The following ADCY5 variants were observed in gnomAD, a reference collection of about 807,000 sequenced individuals.
ADCY5 encodes the protein adenylate cyclase type 5.
Under a neutral mutation model 119.7 loss-of-function variants are expected in ADCY5, and 30 were observed. That is an observed-to-expected ratio of 0.25 (90% CI 0.19 to 0.34). ADCY5 has a LOEUF of 0.34. Among genes scored for constraint, ADCY5 ranks in the 10% least tolerant of loss-of-function variants. The pLI, the probability that ADCY5 is intolerant of heterozygous loss-of-function variation, is 1.00. For synonymous variants in ADCY5, 753 were observed against 762.2 expected (o/e 0.99, Z 0.20); for missense variants, 1,324 against 1,775.2 (o/e 0.75, Z 4.57).
chr3:123,389,321 T>C (rs1409089709), intron 1 of ADCY5, among the ~76,000 whole-genome samples: 1 of 152,014 alleles, frequency 6.6e-6, no homozygotes, highest in Non-Finnish European at 1.5e-5. Flanking sequence ...CCTCAGAAGA[T>C]CCTTGCCAAA....
At chr3:123,293,676 G>A (rs763425125) in intron 17 of ADCY5, among the ~76,000 whole-genome samples, 9 of 152,148 alleles carry the variant, frequency 5.9e-5, no homozygotes, top group Admixed American at 2.0e-4. Flanking sequence ...TTGCAAGCAC[G>A]GAACAGGGAA....
At chr3:123,433,180 T>C (rs186006989) in intron 1 of ADCY5, among the ~76,000 whole-genome samples, 2 of 152,160 alleles carry the variant, frequency 1.3e-5, no homozygotes. Flanking sequence ...CAATTTAGAT[T>C]GGCGGTGTCA....
chr3:123,314,380 CTGGGGGA>C, intron 11 of ADCY5, 58 bp from the exon 12 acceptor site: 1 of 1,378,916 alleles, frequency 7.3e-7, no homozygotes, highest in Non-Finnish European at 1.0e-6. Flanking sequence ...GCTGCAGCTT[CTGGGGGA>C]CCTGCCTGGC....
intron 1 of ADCY5, among the ~76,000 whole-genome samples, chr3:123,414,020 A>C (rs1010095893): frequency 1.3e-5 from 2 of 152,286 alleles, no homozygotes; most frequent in African/African-American, 4.8e-5. Flanking sequence ...CCTGATTCAG[A>C]TAAAACGCAG....
Position 123,283,488 on chromosome 3 carries a change from G to T in ADCY5, c.*1120C>A, listed in dbSNP as rs574974042. 4 of 151,810 alleles carry T rather than the reference G, an allele frequency of 2.6e-5. No homozygotes were observed. The South Asian group carries it at 8.3e-4, about 31-fold the overall frequency. The allele number at this position is 151,810 out of a possible 1,614,324, so 9.4% of individuals were successfully genotyped here. ...GGTGTGTGCATGTGTGTACATACGT[G>T]TGCGTGTGTCAGAAAAGATGGGGCA... On this transcript the variant is annotated 3_prime_UTR_variant, in exon 21 of 21. Coordinates refer to ENST00000462833, the MANE Select transcript of ADCY5 (RefSeq NM_183357.3).
At chr3:123,374,695 G>C (rs555540269) in intron 1 of ADCY5, among the ~76,000 whole-genome samples, 10 of 152,060 alleles carry the variant, frequency 6.6e-5, no homozygotes, top group Admixed American at 1.3e-4. Context: ...TGGCAAAAGG[G>C]GGGCAGCAGC....
At chr3:123,386,053 C>T (rs1157172046) in intron 1 of ADCY5, among the ~76,000 whole-genome samples, 2 of 152,132 alleles carry the variant, frequency 1.3e-5, no homozygotes, top group African/African-American at 4.8e-5. Context: ...AGCGTGAGAG[C>T]CCAAGCAGGC....
intron 3 of ADCY5, among the ~76,000 whole-genome samples, chr3:123,333,616 C>T (rs1034124377): frequency 3.3e-5 from 5 of 152,224 alleles, no homozygotes; most frequent in Admixed American, 1.3e-4. Context: ...AGGGGAGGGG[C>T]GTGAGGCCTG....
intron 12 of ADCY5, among the ~76,000 whole-genome samples, chr3:123,307,259 T>G (rs959355294): frequency 3.9e-5 from 6 of 152,184 alleles, no homozygotes; most frequent in Admixed American, 6.5e-5. Flanking sequence ...TATGTCGCAA[T>G]GAAGCTCTTA....
intron 1 of ADCY5, among the ~76,000 whole-genome samples, chr3:123,398,675 C>A (rs1944670142): frequency 6.6e-6 from 1 of 152,186 alleles, no homozygotes; most frequent in African/African-American, 2.4e-5. Context: ...AGGTCCTCAC[C>A]ATTCAAGTCA....
chr3:123,405,111 C>A (rs1034832769), intron 1 of ADCY5, among the ~76,000 whole-genome samples: 1 of 152,236 alleles, frequency 6.6e-6, no homozygotes, highest in Non-Finnish European at 1.5e-5. Context: ...CACCTGTCAC[C>A]GTGCTGCTGC....
intron 1 of ADCY5, among the ~76,000 whole-genome samples, chr3:123,445,414 G>A (rs1945796965): frequency 6.9e-6 from 1 of 143,962 alleles, no homozygotes; most frequent in African/African-American, 2.6e-5. Flanking sequence ...ACCTACAGCT[G>A]TAATCAGACC....
intron 1 of ADCY5, among the ~76,000 whole-genome samples, chr3:123,402,577 G>A (rs1333079749): frequency 1.3e-5 from 2 of 149,834 alleles, no homozygotes; most frequent in East Asian, 2.0e-4. Context: ...TCGGCTGGGC[G>A]TGGTGGCTCA....
At chr3:123,419,318 C>T in intron 1 of ADCY5, 1 of 490,268 alleles carries the variant, frequency 2.0e-6, no homozygotes, top group Non-Finnish European at 2.6e-6. Flanking sequence ...AGCACTATTC[C>T]ATCACTCTGG....
intron 1 of ADCY5, among the ~76,000 whole-genome samples, chr3:123,392,054 C>T (rs947243450): frequency 6.6e-6 from 1 of 152,148 alleles, no homozygotes; most frequent in Non-Finnish European, 1.5e-5. Context: ...TCTGGACGAG[C>T]GCCTCCTCCT....
intron 17 of ADCY5, among the ~76,000 whole-genome samples, chr3:123,293,220 G>A (rs1168694902): frequency 2.0e-5 from 3 of 152,234 alleles, no homozygotes; most frequent in Non-Finnish European, 4.4e-5. Flanking sequence ...CTAGGAGGGG[G>A]CCAGGCAGGC....
chr3:123,313,596 A>G (rs966256941), intron 12 of ADCY5, among the ~76,000 whole-genome samples: 3 of 152,196 alleles, frequency 2.0e-5, no homozygotes, highest in African/African-American at 7.2e-5. Flanking sequence ...AGTGGTTTCT[A>G]CCACAGACCA....
intron 1 of ADCY5, among the ~76,000 whole-genome samples, chr3:123,412,631 G>A (rs1945082394): frequency 6.6e-6 from 1 of 152,120 alleles, no homozygotes; most frequent in African/African-American, 2.4e-5. Context: ...GTTAATGGGG[G>A]TCTGGTGCAG....
At chr3:123,308,943 A>T (rs569692314) in intron 12 of ADCY5, among the ~76,000 whole-genome samples, 1 of 152,368 alleles carries the variant, frequency 6.6e-6, no homozygotes, top group Admixed American at 6.5e-5. Flanking sequence ...CCAGCAGGAT[A>T]ACTGCCTGCA....
Sources: gnomAD v4.1 joint callset for allele counts (sites outside exome capture counted in the v4.1 genomes callset) on GRCh38, gnomAD v4.1.1 for gene constraint, MANE v1.5 for transcripts, NCBI Gene and HGNC (gene_info 2026-07-23, HGNC 2026-07-21) for gene names.